Variants in GPR89B observed in about 807,000 individuals in gnomAD.
The protein encoded by GPR89B is G protein-coupled receptor 89B.
GPR89B carries 25 observed loss-of-function variants against 52.4 expected under a neutral mutation model. The ratio of observed to expected loss-of-function variants is 0.48; its 90% CI spans 0.35 to 0.67. The LOEUF (loss-of-function observed/expected upper bound fraction) is 0.67, where lower values mean the gene tolerates loss of function less well. Ranked by LOEUF, GPR89B falls within the 30% of genes least tolerant of loss-of-function variation. The pLI is 0.01. For synonymous variants in GPR89B, 52 were observed against 151.2 expected (o/e 0.34, Z 4.81); for missense variants, 146 against 450.2 (o/e 0.32, Z 6.11).
Position 147,969,027 on chromosome 1 carries a change from A to C in GPR89B, c.816+64A>C, listed in dbSNP as rs1657234292. ...ATTATTAAAGAGAGAACAAGACTAA[A>C]TGGCTTTTTAGATTTCTCTGTGGCC... On this transcript the variant is annotated intron_variant, in intron 9 of 13. Transcript: ENST00000314163. The C allele has an allele frequency of 7.4e-6, 10 of 1,347,084 alleles. No individual in the cohort carries two copies. The Admixed American group carries it at 8.9e-5, about 12-fold the overall frequency. 83.4% of individuals were successfully genotyped at this position (1,347,084 alleles called of 1,614,324 possible). A position where few individuals can be genotyped will look rare whatever the true frequency, so the allele number is the denominator to read the frequency against.
chr1:147,999,308 C>G, the GPR89B span, among the ~76,000 whole-genome samples: 1 of 151,606 alleles, frequency 6.6e-6, no homozygotes, highest in South Asian at 2.1e-4. Context: ...CCATAGGACA[C>G]CTTAAAAAAA....
the GPR89B span, among the ~76,000 whole-genome samples, chr1:148,007,325 T>G: frequency 1.3e-5 from 2 of 152,198 alleles, no homozygotes; most frequent in Non-Finnish European, 2.9e-5. Flanking sequence ...TCCGCCTGCC[T>G]CGGCCTCCCA....
the GPR89B span, chr1:148,004,102 G>T: frequency 8.6e-5 from 39 of 454,520 alleles, no homozygotes; most frequent in Non-Finnish European, 1.5e-4. Flanking sequence ...GGGGATGAAA[G>T]GCCTGAGTTT....
chr1:147,980,743 C>T (rs1423863622), intron 10 of GPR89B, among the ~76,000 whole-genome samples: 9 of 135,992 alleles, frequency 6.6e-5, no homozygotes, highest in South Asian at 2.4e-4. Flanking sequence ...GGCGTGAACC[C>T]GGGAGGCGGA....
In GPR89B at chr1:147,987,952, CA is replaced by C. The variant is rs1196638643; in HGVS notation, c.1006-478del. 5.3e-5 allele frequency among the ~76,000 whole-genome samples: 8 copies of C among 152,174 alleles called. 2 individuals carry two copies. Among genetic ancestry groups the C allele is most frequent in the African/African-American group, 1.9e-4 (8 of 41,522 alleles). Reference sequence around the variant, plus strand: ...CTATTATTCATAGATAGAAAATAATCAAGGTATTATTTAGTTTCCTTTTAAT... The same window carrying C: ...CTATTATTCATAGATAGAAAATAATCAGGTATTATTTAGTTTCCTTTTAAT... On this transcript the variant is annotated intron_variant, in intron 11 of 13. Coordinates refer to ENST00000314163, the MANE Select transcript of GPR89B (RefSeq NM_016334.5).
chr1:148,007,233 A>G, the GPR89B span, among the ~76,000 whole-genome samples: 1 of 142,124 alleles, frequency 7.0e-6, no homozygotes, highest in African/African-American at 2.7e-5. Flanking sequence ...CCACCACCAC[A>G]CCCGGCTAAT....
the GPR89B span, among the ~76,000 whole-genome samples, chr1:148,019,437 G>A: frequency 6.6e-6 from 1 of 151,710 alleles, no homozygotes; most frequent in Non-Finnish European, 1.5e-5. Flanking sequence ...TGGGGGTTGG[G>A]AGGAGGGAGA....
At chr1:147,988,720 T>C (rs1428261367) in intron 12 of GPR89B, among the ~76,000 whole-genome samples, 199 bp downstream of exon 12, 2 of 148,648 alleles carry the variant, frequency 1.3e-5, no homozygotes, top group African/African-American at 2.5e-5. Context: ...ACAAATTAGC[T>C]GGGTGTGGTG....
the GPR89B span, among the ~76,000 whole-genome samples, chr1:148,023,116 C>T: frequency 1.3e-5 from 2 of 151,004 alleles, no homozygotes; most frequent in African/African-American, 2.5e-5. Context: ...TGGTAGTCCA[C>T]AGTGTCTATA....
chr1:148,001,857 G>A, the GPR89B span, among the ~76,000 whole-genome samples: 9 of 151,720 alleles, frequency 5.9e-5, no homozygotes, highest in Non-Finnish European at 1.2e-4. Context: ...TTGTAGCCAC[G>A]CGTCTTATGT....
chr1:147,999,579 C>T, the GPR89B span, among the ~76,000 whole-genome samples: 1 of 142,496 alleles, frequency 7.0e-6, no homozygotes, highest in Non-Finnish European at 1.5e-5. Context: ...AGCCTGGTGA[C>T]AGAGCAAGAC....
the GPR89B span, chr1:148,005,519 A>G: frequency 3.3e-5 from 53 of 1,605,226 alleles, 1 homozygote; most frequent in Non-Finnish European, 4.2e-5. Context: ...CCTGGAAGAG[A>G]GTAGGGGTAA....
the GPR89B span, chr1:148,014,302 G>C: frequency 2.0e-5 from 3 of 151,948 alleles, no homozygotes; most frequent in Non-Finnish European, 4.4e-5. Flanking sequence ...GCTCACATCT[G>C]TCTGTTCGTA....
intron 5 of GPR89B, among the ~76,000 whole-genome samples, chr1:147,949,748 G>A (rs587639102): frequency 2.1e-5 from 3 of 144,422 alleles, no homozygotes; most frequent in Admixed American, 1.3e-4. Flanking sequence ...AGGGGCAGCC[G>A]GGCAGAGGCG....
chr1:147,971,157 CT>C (rs1197016559), intron 10 of GPR89B, among the ~76,000 whole-genome samples: 88 of 144,052 alleles, frequency 6.1e-4, no homozygotes, highest in South Asian at 4.4e-3. Flanking sequence ...GGAAGCATGT[CT>C]TTTTTTTTTT....
intron 10 of GPR89B, among the ~76,000 whole-genome samples, chr1:147,980,797 C>T (rs1476605119): frequency 1.6e-4 from 19 of 117,078 alleles, no homozygotes; most frequent in African/African-American, 3.0e-4. Context: ...CCAGCCTGGG[C>T]GACAGAGCGA....
intron 1 of GPR89B, among the ~76,000 whole-genome samples, chr1:147,935,958 G>A (rs1378460953): frequency 6.6e-6 from 1 of 152,016 alleles, no homozygotes; most frequent in African/African-American, 2.4e-5. Flanking sequence ...GGCCAGGCTA[G>A]TATTATTTTT....
At chr1:147,991,505 G>C (rs1167325904) in intron 12 of GPR89B, among the ~76,000 whole-genome samples, 3 of 152,162 alleles carry the variant, frequency 2.0e-5, no homozygotes, top group Non-Finnish European at 4.4e-5. Flanking sequence ...AGTGGTGAGA[G>C]AGGGCATCCC....
At chr1:147,956,605 G>A (rs1656131262) in intron 7 of GPR89B, among the ~76,000 whole-genome samples, 1 of 151,960 alleles carries the variant, frequency 6.6e-6, no homozygotes, top group African/African-American at 2.4e-5. Context: ...CAAGGGGGAA[G>A]AAAGACCTGG....
Sources: allele counts gnomAD v4.1 joint callset (sites outside exome capture counted in the v4.1 genomes callset), GRCh38; gene constraint gnomAD v4.1.1; transcripts MANE v1.5; gene names NCBI Gene and HGNC (gene_info 2026-07-23, HGNC 2026-07-21).